Variants in CDH11 observed in about 807,000 individuals in gnomAD.
CDH11 encodes the protein cadherin 11, also known as cadherin-11.
Under a neutral mutation model 67.8 loss-of-function variants are expected in CDH11, and 11 were observed. The observed-to-expected ratio is 0.16, with a 90% confidence interval of 0.10 to 0.27. The LOEUF (loss-of-function observed/expected upper bound fraction) is 0.27, where lower values mean the gene tolerates loss of function less well. Among genes scored for constraint, CDH11 ranks in the 10% least tolerant of loss-of-function variants. The probability of loss-of-function intolerance (pLI) is 1.00; values close to 1 mark genes in which losing one functional copy is unlikely to be tolerated. For missense variants in CDH11, 847 were observed against 1,031.2 expected, an observed-to-expected ratio of 0.82 and a Z score of 2.45; for synonymous variants, 419 against 400.0, an observed-to-expected ratio of 1.05 and a Z score of -0.57.
intron 8 of CDH11, among the ~76,000 whole-genome samples, chr16:64,975,687 T>G (rs936800296): frequency 6.6e-6 from 1 of 152,160 alleles, no homozygotes; most frequent in Non-Finnish European, 1.5e-5. Flanking sequence ...TGAGTGCTTG[T>G]GTGTTTTTAT....
chr16:64,988,860 C>G (rs1413452602), intron 6 of CDH11, among the ~76,000 whole-genome samples: 1 of 152,146 alleles, frequency 6.6e-6, no homozygotes, highest in Non-Finnish European at 1.5e-5. Flanking sequence ...TTCGACACTC[C>G]CCTTATTTCA....
chr16:65,098,803 A>AG (rs1386795475), intron 1 of CDH11, among the ~76,000 whole-genome samples: 2 of 152,240 alleles, frequency 1.3e-5, no homozygotes, highest in Middle Eastern at 3.4e-3. Context: ...AAACTGCTGA[A>AG]GTCCTGTTCT....
chr16:65,038,313 G>A (rs887296684), intron 2 of CDH11, among the ~76,000 whole-genome samples: 3 of 152,092 alleles, frequency 2.0e-5, no homozygotes, highest in Non-Finnish European at 4.4e-5. Flanking sequence ...GTCTGCTAGG[G>A]AAGAAAATGT....
chr16:65,108,679 A>G (rs1356711091), intron 1 of CDH11, among the ~76,000 whole-genome samples: 2 of 73,130 alleles, frequency 2.7e-5, no homozygotes, highest in East Asian at 8.4e-4. Flanking sequence ...TATCAAATCA[A>G]TATTTAAAAA....
chr16:65,115,906 A>G (rs2075238352), intron 1 of CDH11, among the ~76,000 whole-genome samples: 1 of 152,054 alleles, frequency 6.6e-6, no homozygotes. Context: ...ACAACACTGC[A>G]CTCCAGAGTG....
At chr16:65,041,595 G>A (rs1204138364) in intron 2 of CDH11, among the ~76,000 whole-genome samples, 1 of 152,190 alleles carries the variant, frequency 6.6e-6, no homozygotes, top group Non-Finnish European at 1.5e-5. Flanking sequence ...AGAATAAAGT[G>A]GATTAAGTGC....
intron 1 of CDH11, among the ~76,000 whole-genome samples, chr16:65,099,025 T>C (rs2074945706): frequency 6.6e-6 from 1 of 152,226 alleles, no homozygotes; most frequent in South Asian, 2.1e-4. Flanking sequence ...GTCTATTTTC[T>C]TAGTCATGCA....
chr16:64,965,771 AACACACACACACACACACAC>A (rs55992835), intron 11 of CDH11, among the ~76,000 whole-genome samples: 45,122 of 146,018 alleles, frequency 0.31, 7,346 homozygotes, highest in South Asian at 0.49. Flanking sequence ...CGGTGCATGA[AACACACACACACACACACAC>A]ACACACACAC....
rs1262395007 is a variant in CDH11, at chr16:64,947,052, T to G, written c.*551A>C. ...AAGATGAAAGTAGAAGCAAAAAGAT[T>G]TACAAGAATCAGCAGTAACAAGATT... On this transcript the variant is annotated 3_prime_UTR_variant, in exon 13 of 13. Transcript: ENST00000268603. 1.6e-5 allele frequency: 16 copies of G among 1,032,052 alleles called. No individual in the cohort carries two copies. Among genetic ancestry groups the G allele is most frequent in the Non-Finnish European group, 1.9e-5 (16 of 857,860 alleles). 63.9% of individuals were successfully genotyped at this position (1,032,052 alleles called of 1,614,324 possible). A position where few individuals can be genotyped will look rare whatever the true frequency, so the allele number is the denominator to read the frequency against.
intron 1 of CDH11, among the ~76,000 whole-genome samples, chr16:65,088,970 A>G (rs1218353648): frequency 6.6e-6 from 1 of 152,224 alleles, no homozygotes; most frequent in African/African-American, 2.4e-5. Flanking sequence ...CAAGACATCA[A>G]CATATGTGTT....
chr16:65,040,083 AG>A (rs1260696911), intron 2 of CDH11, among the ~76,000 whole-genome samples: 2 of 152,206 alleles, frequency 1.3e-5, no homozygotes, highest in African/African-American at 2.4e-5. Flanking sequence ...GTGGAGAAAT[AG>A]GAACACTTTT....
At chr16:65,067,446 T>C (rs1402564030) in intron 1 of CDH11, among the ~76,000 whole-genome samples, 2 of 152,198 alleles carry the variant, frequency 1.3e-5, no homozygotes, top group African/African-American at 2.4e-5. Flanking sequence ...GAAGCAGAAG[T>C]CTTTCTAGCC....
chr16:65,097,831 A>G lies in CDH11; in HGVS notation c.-298+24049T>C, dbSNP rs957774247. Among the ~76,000 whole-genome samples the G allele has an allele frequency of 3.3e-5, 5 of 152,152 alleles. No homozygotes were observed. In the East Asian group the frequency reaches 9.7e-4, roughly 29 times the overall value. On this transcript the variant is annotated intron_variant, in intron 1 of 12. Transcript: ENST00000268603. ...CTGGGGACTTTTGATCAGAAAAGTT[A>G]AGATAAAAAATTTTTAAAAATAAGA...
At chr16:65,058,673 T>A (rs2142733148) in intron 1 of CDH11, among the ~76,000 whole-genome samples, 1 of 152,302 alleles carries the variant, frequency 6.6e-6, no homozygotes, top group East Asian at 1.9e-4. Context: ...AGATCATGAT[T>A]TTTTTTGTAA....
intron 1 of CDH11, among the ~76,000 whole-genome samples, chr16:65,113,287 G>GAA (rs199622606): frequency 4.2e-4 from 54 of 129,054 alleles, no homozygotes; most frequent in African/African-American, 8.0e-4. Context: ...TTCCATCTCA[G>GAA]AAAAAAAAAA....
chr16:65,008,904 C>T (rs1369295726), intron 2 of CDH11, among the ~76,000 whole-genome samples: 3 of 152,096 alleles, frequency 2.0e-5, no homozygotes, highest in Non-Finnish European at 4.4e-5. Context: ...GTGTTATCCG[C>T]CTAACATTCT....
intron 1 of CDH11, among the ~76,000 whole-genome samples, chr16:65,090,324 C>G (rs1272652434): frequency 6.6e-6 from 1 of 152,168 alleles, no homozygotes; most frequent in East Asian, 1.9e-4. Flanking sequence ...TTACAACTAA[C>G]AATATTGTGT....
At chr16:65,013,183 A>G (rs2073218138) in intron 2 of CDH11, among the ~76,000 whole-genome samples, 1 of 152,150 alleles carries the variant, frequency 6.6e-6, no homozygotes, top group Non-Finnish European at 1.5e-5. Flanking sequence ...TCTGTATACA[A>G]CTTGAGGCCC....
intron 1 of CDH11, among the ~76,000 whole-genome samples, chr16:65,107,109 C>T (rs1159986739): frequency 6.6e-6 from 1 of 152,040 alleles, no homozygotes; most frequent in African/African-American, 2.4e-5. Context: ...TCCCGATGAC[C>T]AGTGGTAAGT....
Sources: gnomAD v4.1 joint callset for allele counts (sites outside exome capture counted in the v4.1 genomes callset) on GRCh38, gnomAD v4.1.1 for gene constraint, MANE v1.5 for transcripts, NCBI Gene and HGNC (gene_info 2026-07-23, HGNC 2026-07-21) for gene names.